Variants in TTC7A observed in about 807,000 individuals in gnomAD.
TTC7A encodes tetratricopeptide repeat protein 7A.
Under a neutral mutation model 103.7 loss-of-function variants are expected in TTC7A, and 110 were observed. The observed-to-expected ratio is 1.06, with a 90% confidence interval of 0.91 to 1.24. The LOEUF is 1.24. Ranked by LOEUF, TTC7A falls within the 50% of genes most tolerant of loss-of-function variation. The probability of loss-of-function intolerance (pLI) is 0.00; values close to 1 mark genes in which losing one functional copy is unlikely to be tolerated. For synonymous variants in TTC7A, 521 were observed against 467.9 expected (o/e 1.11, Z -1.47); for missense variants, 1,340 against 1,116.3 (o/e 1.20, Z -2.86).
intron 19 of TTC7A, among the ~76,000 whole-genome samples, chr2:47,064,622 C>T (rs571792913): frequency 1.3e-5 from 2 of 152,332 alleles, no homozygotes; most frequent in South Asian, 4.1e-4. Context: ...TGGATCCCCT[C>T]TGCACCAGGC....
At chr2:47,039,149 C>G (rs900624251) in intron 15 of TTC7A, among the ~76,000 whole-genome samples, 5 of 152,152 alleles carry the variant, frequency 3.3e-5, no homozygotes, top group African/African-American at 9.7e-5. Flanking sequence ...AAGGCACTTC[C>G]AGGAAGCAGC....
rs144816809 is a variant in TTC7A, at chr2:47,051,837, C to T, written c.2109C>T (p.Pro703=). ...CCTCTTCGGTCCTGAAGCAGGGCCC[C>T]ATGCAGCTGTGGACCACGCTGGAAC... ...TMPSSVLKQG[P]MQLWTTLEQI... The change falls in exon 18 of 20, where the codon CCC becomes CCT. Residue 703 remains proline (P), a synonymous_variant. Transcript: ENST00000319190. The T allele has an allele frequency of 1.2e-6, 2 of 1,612,098 alleles. No homozygotes were observed. The highest frequency in any genetic ancestry group is 1.7e-5 in the Admixed American group (1 of 59,990).
chr2:46,946,939 C>G (rs548666184), intron 1 of TTC7A, among the ~76,000 whole-genome samples: 4 of 151,994 alleles, frequency 2.6e-5, no homozygotes, highest in South Asian at 2.1e-4. Context: ...GGTAAACAAA[C>G]AACAAGTAGA....
intron 19 of TTC7A, among the ~76,000 whole-genome samples, chr2:47,069,182 A>C (rs1288613979): frequency 6.6e-6 from 1 of 151,984 alleles, no homozygotes; most frequent in Non-Finnish European, 1.5e-5. Flanking sequence ...CAGGAAGGGG[A>C]GGAGAAAAGG....
intron 5 of TTC7A, among the ~76,000 whole-genome samples, chr2:46,979,197 G>C (rs534935760): frequency 1.3e-4 from 20 of 152,164 alleles, no homozygotes; most frequent in Non-Finnish European, 2.8e-4. Flanking sequence ...GGAGGGTGGA[G>C]GGCATCTGGG....
intron 2 of TTC7A, among the ~76,000 whole-genome samples, chr2:46,935,205 G>A (rs1401839256): frequency 6.6e-6 from 1 of 152,086 alleles, no homozygotes; most frequent in African/African-American, 2.4e-5. Context: ...GAGCTGTGAA[G>A]GGGTCAGGCG....
At chr2:46,999,542 A>C (rs1676577573) in intron 8 of TTC7A, 2 of 985,428 alleles carry the variant, frequency 2.0e-6, no homozygotes, top group African/African-American at 1.7e-5. Context: ...TTAACAGTTC[A>C]ATCATAGTTC....
intron 11 of TTC7A, among the ~76,000 whole-genome samples, chr2:47,014,163 T>C (rs1428151860): frequency 1.3e-5 from 2 of 152,208 alleles, no homozygotes. Context: ...TCTTATGTGG[T>C]GCATGACTTC....
chr2:47,071,739 T>TAC (rs376271671), intron 19 of TTC7A, among the ~76,000 whole-genome samples: 23 of 151,928 alleles, frequency 1.5e-4, no homozygotes, highest in East Asian at 3.9e-4. Flanking sequence ...AAACTGAGAA[T>TAC]ACACACACAC....
intron 8 of TTC7A, chr2:46,999,908 C>T: frequency 1.0e-6 from 1 of 985,298 alleles, no homozygotes; most frequent in Non-Finnish European, 1.2e-6. Context: ...GTCTCTGGGT[C>T]CTGGGACTCT....
chr2:47,035,847 C>T (rs917881884), intron 15 of TTC7A, among the ~76,000 whole-genome samples: 2 of 152,154 alleles, frequency 1.3e-5, no homozygotes, highest in Non-Finnish European at 2.9e-5. Flanking sequence ...GGCCTGTGTC[C>T]ACAAAGCAGA....
chr2:47,064,062 C>T (rs1178791652), intron 19 of TTC7A, among the ~76,000 whole-genome samples: 1 of 152,234 alleles, frequency 6.6e-6, no homozygotes, highest in African/African-American at 2.4e-5. Context: ...AGGGATGTTT[C>T]TGTGGTTCTA....
intron 19 of TTC7A, among the ~76,000 whole-genome samples, chr2:47,069,312 T>A (rs572475343): frequency 6.6e-6 from 1 of 152,260 alleles, no homozygotes; most frequent in East Asian, 1.9e-4. Context: ...CCTGCCCCTC[T>A]GAAAACAGAC....
chr2:47,065,275 A>G (rs997833727), intron 19 of TTC7A, among the ~76,000 whole-genome samples: 3 of 152,248 alleles, frequency 2.0e-5, no homozygotes, highest in Non-Finnish European at 2.9e-5. Flanking sequence ...TGACAGAGCG[A>G]GACTCCGTCT....
chr2:47,015,000 GGCTGGCTGA>G (rs1678487350), intron 11 of TTC7A, among the ~76,000 whole-genome samples: 1 of 152,250 alleles, frequency 6.6e-6, no homozygotes, highest in Non-Finnish European at 1.5e-5. Context: ...GTCACGTGCT[GGCTGGCTGA>G]TTCGGGGGTT....
intron 19 of TTC7A, among the ~76,000 whole-genome samples, chr2:47,070,584 A>C (rs2103632175): frequency 6.6e-6 from 1 of 152,306 alleles, no homozygotes; most frequent in African/African-American, 2.4e-5. Flanking sequence ...ACAGTAACTA[A>C]GCGTGACCTT....
chr2:46,956,146 GT>G (rs1022130644), intron 2 of TTC7A, among the ~76,000 whole-genome samples: 9 of 152,256 alleles, frequency 5.9e-5, no homozygotes, highest in African/African-American at 2.2e-4. Flanking sequence ...GGCCCTGAGA[GT>G]TCCTCTGTGG....
intron 15 of TTC7A, among the ~76,000 whole-genome samples, chr2:47,031,070 C>T (rs1680484499): frequency 1.3e-5 from 2 of 152,168 alleles, no homozygotes; most frequent in Admixed American, 6.5e-5. Flanking sequence ...TCACTTGAAT[C>T]TGGGAGGCAG....
chr2:47,070,545 G>A (rs1684591463), intron 19 of TTC7A, among the ~76,000 whole-genome samples: 1 of 152,178 alleles, frequency 6.6e-6, no homozygotes, highest in South Asian at 2.1e-4. Context: ...CTGGGGAGGG[G>A]CAGGACAGGG....
Sources: allele counts gnomAD v4.1 joint callset (sites outside exome capture counted in the v4.1 genomes callset), GRCh38; gene constraint gnomAD v4.1.1; transcripts MANE v1.5; gene names NCBI Gene and HGNC (gene_info 2026-07-23, HGNC 2026-07-21).